ZDHHC11: variants seen among roughly 807,000 people sequenced by gnomAD.
ZDHHC11 encodes zDHHC palmitoyltransferase 11, also known as palmitoyltransferase ZDHHC11.
ZDHHC11 carries 44 observed loss-of-function variants against 51.3 expected under a neutral mutation model. The observed-to-expected ratio is 0.86, with a 90% CI of 0.67 to 1.10. ZDHHC11 has a LOEUF of 1.10. Ranked by LOEUF, ZDHHC11 falls within the 50% of genes least tolerant of loss-of-function variation. ZDHHC11 has a pLI of 0.00. For missense variants in ZDHHC11, 400 were observed against 537.7 expected, an observed-to-expected ratio of 0.74 and a Z score of 2.53; for synonymous variants, 163 against 222.0, an observed-to-expected ratio of 0.73 and a Z score of 2.36.
rs145275201 is a variant in ZDHHC11 at position 824,562 on chromosome 5, T to A, written c.1023+602A>T. 7.7e-3 allele frequency among the ~76,000 whole-genome samples: 1,163 copies of A among 151,584 alleles called. 22 individuals are homozygous for A. Among genetic ancestry groups the A allele is most frequent in the African/African-American group, 0.026 (1,095 of 41,374 alleles). ...GCCGGCAGCCGCGCTGGTCTTTTCC[T>A]GTGAAGGATGGACACAGAGTCCATG... On this transcript the variant is annotated intron_variant, in intron 8 of 12. Transcript: ENST00000283441.
chr5:818,274 C>A (rs1355797699), intron 10 of ZDHHC11, among the ~76,000 whole-genome samples: 1 of 151,494 alleles, frequency 6.6e-6, no homozygotes, highest in African/African-American at 2.4e-5. Context: ...AGCCTGTGTG[C>A]CACATGGAGT....
At chr5:824,248 G>A (rs745624774) in intron 8 of ZDHHC11, among the ~76,000 whole-genome samples, 1 of 151,428 alleles carries the variant, frequency 6.6e-6, no homozygotes. Flanking sequence ...CACTTGAGAT[G>A]AGAAGTTCCA....
rs534007710 is a variant in ZDHHC11, at chr5:800,346, G to T, written c.*7+754C>A. Among the ~76,000 whole-genome samples, 64 of 150,802 alleles carry T rather than the reference G, an allele frequency of 4.2e-4. 2 individuals are homozygous for T. The highest frequency in any genetic ancestry group is 3.4e-3 in the Middle Eastern group (1 of 294). ...TCTCTGAAGCATTGTGAGAAGGCAG[G>T]TACTGAACGGTAGACTTCAGGGTGT... On this transcript the variant is annotated intron_variant, in intron 12 of 12. Coordinates refer to ENST00000283441, the MANE Select transcript of ZDHHC11 (RefSeq NM_024786.3).
intron 11 of ZDHHC11, among the ~76,000 whole-genome samples, chr5:806,090 A>G (rs1739219715): frequency 1.3e-5 from 2 of 151,146 alleles, no homozygotes; most frequent in South Asian, 4.2e-4. Flanking sequence ...GGGGTTAGTG[A>G]TCATAATACT....
rs531567051 is a variant in ZDHHC11 at position 838,785 on chromosome 5, C to T, written c.785-1305G>A. On this transcript the variant is annotated intron_variant, in intron 5 of 12. Coordinates refer to ENST00000283441, the MANE Select transcript of ZDHHC11 (RefSeq NM_024786.3). Reference sequence around the variant, plus strand: ...GCCCCGCATGGCTTCAGGCCCACTGCACTTCCCTGCTCTGCCGCCTGAGGC... The same window carrying T: ...GCCCCGCATGGCTTCAGGCCCACTGTACTTCCCTGCTCTGCCGCCTGAGGC... 2.4e-4 allele frequency among the ~76,000 whole-genome samples: 37 copies of T among 151,924 alleles called. No individual in the cohort carries two copies. The East Asian group carries it at 4.0e-3, about 17-fold the overall frequency.
chr5:840,819 C>A lies in ZDHHC11; in HGVS notation c.629-169G>T, dbSNP rs1251394904. On this transcript the variant is annotated intron_variant, in intron 4 of 12. Transcript: ENST00000283441. ...CTCCCTTACCTGAGTGCCCCGTAGG[C>A]CCTGCTGCCTTCGGTTGGTTTTCAT... 2.0e-6 allele frequency: 3 copies of A among 1,488,196 alleles called. No homozygotes were observed. The East Asian group carries it at 6.8e-5, about 34-fold the overall frequency. The allele number at this position is 1,488,196 out of a possible 1,614,324, so 92.2% of individuals were successfully genotyped here. A position where few individuals can be genotyped will look rare whatever the true frequency, so the allele number is the denominator to read the frequency against.
In ZDHHC11 at chr5:821,865, G is replaced by A. The variant is rs376701456; in HGVS notation, c.1054C>T (p.Leu352Phe). 7.0e-5 allele frequency: 113 copies of A among 1,605,674 alleles called. 2 individuals are homozygous for A. The South Asian group carries it at 1.1e-3, about 16-fold the overall frequency. ...CCATTAAACTTACAAACTCACCCAA[G>A]TGCAGATGGACACGGGTCTTCATCC... ...EGDEDPCPSA[L>F]GAKARNSRLI... Residue 352 changes from leucine to phenylalanine, a missense_variant, in exon 9 of 13, where the codon CTT becomes TTT. By Grantham distance (22) the Leu-to-Phe change is conservative (BLOSUM62 0). This residue lies in a region of ZDHHC11 where 231 missense variants were observed against 227.4 expected (regional missense o/e 1.02). Transcript: ENST00000283441.
chr5:843,959 G>C (rs1745624047), intron 3 of ZDHHC11, among the ~76,000 whole-genome samples: 1 of 95,200 alleles, frequency 1.1e-5, no homozygotes, highest in African/African-American at 9.7e-5. Context: ...GGGCAGGTGG[G>C]GGGTGCAGAG....
At chr5:838,438 G>A (rs1744234849) in intron 5 of ZDHHC11, among the ~76,000 whole-genome samples, 2 of 152,122 alleles carry the variant, frequency 1.3e-5, no homozygotes, top group Admixed American at 6.5e-5. Context: ...GCCCACAGAG[G>A]CCTATTTGCA....
chr5:828,355 CGGGTGG>C, intron 7 of ZDHHC11, among the ~76,000 whole-genome samples: 1 of 149,350 alleles, frequency 6.7e-6, no homozygotes, highest in African/African-American at 2.5e-5. Context: ...GGCAGCTGGC[CGGGTGG>C]AGGTGCCCCC....
chr5:852,841 GT>G (rs1747464092), upstream of ZDHHC11, among the ~76,000 whole-genome samples: 2 of 145,672 alleles, frequency 1.4e-5, no homozygotes, highest in African/African-American at 2.6e-5. Flanking sequence ...CGAGCCGGGG[GT>G]ACAGACCACA....
chr5:844,434 C>CG (rs1479202797), intron 3 of ZDHHC11, among the ~76,000 whole-genome samples: 18 of 152,414 alleles, frequency 1.2e-4, no homozygotes, highest in African/African-American at 4.1e-4. Context: ...GAGGGTCACA[C>CG]GGCGTCTCCA....
upstream of ZDHHC11, among the ~76,000 whole-genome samples, chr5:859,965 G>T (rs1748705083): frequency 6.6e-6 from 1 of 152,138 alleles, no homozygotes; most frequent in African/African-American, 2.4e-5. Context: ...TGTTAGCAGG[G>T]GTCCCTCCAA....
At chr5:803,578 CA>C (rs1738801455) in intron 11 of ZDHHC11, among the ~76,000 whole-genome samples, 1 of 150,918 alleles carries the variant, frequency 6.6e-6, no homozygotes, top group Non-Finnish European at 1.5e-5. Context: ...CAGTTTTTAA[CA>C]AAAAATTATA....
chr5:804,445 A>G (rs1339340912), intron 11 of ZDHHC11, among the ~76,000 whole-genome samples: 3 of 151,208 alleles, frequency 2.0e-5, no homozygotes, highest in Non-Finnish European at 4.4e-5. Context: ...TAAAGAAATA[A>G]TGGCTGAAAA....
intron 12 of ZDHHC11, among the ~76,000 whole-genome samples, chr5:800,544 C>T (rs1218866801): frequency 1.3e-5 from 2 of 151,498 alleles, no homozygotes; most frequent in African/African-American, 2.4e-5. Flanking sequence ...GCTGGCAGAG[C>T]ATGTCTGGAT....
chr5:796,140 C>G lies in ZDHHC11; in HGVS notation c.*448G>C, dbSNP rs576713018. The stretch of plus-strand genomic sequence containing the variant: ...TTTCCCAGTACTGTGCTCCCATTTC[C>G]CAGTACTGTGCTCCCATTTCCTAGT... On this transcript the variant is annotated 3_prime_UTR_variant, in exon 13 of 13. Transcript: ENST00000283441. 463 of 157,402 alleles carry G rather than the reference C, an allele frequency of 2.9e-3. 1 individual carries two copies. The highest frequency in any genetic ancestry group is 0.013 in the Middle Eastern group (26 of 1,928). 9.8% of individuals were successfully genotyped at this position (157,402 alleles called of 1,614,324 possible). A position where few individuals can be genotyped will look rare whatever the true frequency, so the allele number is the denominator to read the frequency against.
intron 3 of ZDHHC11, among the ~76,000 whole-genome samples, chr5:843,950 G>A (rs1745617561): frequency 2.3e-5 from 2 of 87,514 alleles, no homozygotes. Flanking sequence ...GGGCATGCAG[G>A]GCAGGTGGGG....
At chr5:821,478 TACACA>T (rs1024268638) in intron 9 of ZDHHC11, 2 of 191,694 alleles carry the variant, frequency 1.0e-5, no homozygotes, top group East Asian at 9.3e-5. Flanking sequence ...TCTTCTCCAC[TACACA>T]ACACAACTGT....
Sources: gnomAD v4.1 joint callset for allele counts (sites outside exome capture counted in the v4.1 genomes callset) on GRCh38, gnomAD v4.1.1 for gene constraint, gnomAD v4.1.1 regional missense constraint, MANE v1.5 for transcripts, NCBI Gene and HGNC (gene_info 2026-07-23, HGNC 2026-07-21) for gene names.